CCDC149: variants seen among roughly 807,000 people sequenced by gnomAD.
CCDC149 encodes the protein coiled-coil domain-containing protein 149.
In CCDC149, 45 loss-of-function variants were observed where a neutral mutation model predicts 59.9. That is an observed-to-expected ratio of 0.75 (90% confidence interval 0.59 to 0.96). The LOEUF (loss-of-function observed/expected upper bound fraction) is 0.96, where lower values mean the gene tolerates loss of function less well. Ranked by LOEUF, CCDC149 falls within the 40% of genes least tolerant of loss-of-function variation. The pLI, the probability that CCDC149 is intolerant of heterozygous loss-of-function variation, is 0.00. For missense variants in CCDC149, 584 were observed against 664.7 expected (o/e 0.88, Z 1.33); for synonymous variants, 245 against 260.6 (o/e 0.94, Z 0.58).
In CCDC149 at chr4:24,808,703, G is replaced by A. The variant is rs757068818; in HGVS notation, c.1309C>T (p.Gln437Ter). 1 of 1,552,320 alleles carries A rather than the reference G, an allele frequency of 6.4e-7. No individual in the cohort carries two copies. The highest frequency in any genetic ancestry group is 8.7e-7 in the Non-Finnish European group (1 of 1,147,134). The change falls in exon 13 of 13, where the codon CAA (glutamine) becomes TAA (stop). Residue 437 changes from glutamine to a stop codon, truncating the protein, a stop_gained. Transcript: ENST00000635206. LOFTEE classifies it low-confidence loss of function (END_TRUNC). ...AATGAAGGATGAAAGAGCTTGCATTGGTTCCCGCGGCTCTGATTTGCTGGG... is the reference window on the plus strand; with the variant it reads ...AATGAAGGATGAAAGAGCTTGCATTAGTTCCCGCGGCTCTGATTTGCTGGG...
chr4:24,858,631 G>GA (rs1231831387), intron 3 of CCDC149, among the ~76,000 whole-genome samples: 6 of 152,174 alleles, frequency 3.9e-5, no homozygotes, highest in African/African-American at 2.4e-5. Context: ...TTTCCATTCT[G>GA]AAACACCTTC....
At chr4:24,962,182 T>C (rs1326247851) in intron 1 of CCDC149, among the ~76,000 whole-genome samples, 1 of 152,126 alleles carries the variant, frequency 6.6e-6, no homozygotes, top group South Asian at 2.1e-4. Context: ...AAAGAAGACA[T>C]CCATGCAGCC....
intron 3 of CCDC149, among the ~76,000 whole-genome samples, chr4:24,859,669 T>C (rs800481): frequency 0.9 from 136,367 of 152,178 alleles, 61,252 homozygotes; most frequent in African/African-American, 0.95. Context: ...TGCTGTTTGC[T>C]GATGATATGA....
At chr4:24,834,601 G>A (rs908288899) in intron 8 of CCDC149, among the ~76,000 whole-genome samples, 2 of 152,152 alleles carry the variant, frequency 1.3e-5, no homozygotes, top group African/African-American at 4.8e-5. Context: ...CACAGTCTAG[G>A]GGAATATGCC....
intron 1 of CCDC149, among the ~76,000 whole-genome samples, chr4:24,970,744 G>A (rs995609523): frequency 6.6e-6 from 1 of 152,096 alleles, no homozygotes; most frequent in South Asian, 2.1e-4. Context: ...CCTGGGGGTG[G>A]CCTCATGTAC....
At chr4:24,884,149 C>G (rs1384642819) in intron 1 of CCDC149, among the ~76,000 whole-genome samples, 1 of 152,172 alleles carries the variant, frequency 6.6e-6, no homozygotes, top group Non-Finnish European at 1.5e-5. Context: ...TAAGAGGCCA[C>G]CTATAGATTG....
intron 3 of CCDC149, among the ~76,000 whole-genome samples, chr4:24,865,158 A>C (rs565320668): frequency 4.8e-4 from 73 of 152,354 alleles, no homozygotes; most frequent in African/African-American, 1.6e-3. Flanking sequence ...GCAGACAGAC[A>C]TGCAAGCCCT....
intron 1 of CCDC149, among the ~76,000 whole-genome samples, chr4:24,902,048 T>C (rs901653487): frequency 6.6e-6 from 1 of 152,212 alleles, no homozygotes; most frequent in Non-Finnish European, 1.5e-5. Flanking sequence ...TGGTCCCTAC[T>C]CTCAAAGATT....
chr4:24,905,339 T>C (rs1298623691), intron 1 of CCDC149, among the ~76,000 whole-genome samples: 1 of 152,090 alleles, frequency 6.6e-6, no homozygotes, highest in Non-Finnish European at 1.5e-5. Context: ...CTTTGATATG[T>C]CAACCTACTC....
At chr4:24,963,980 A>G (rs997520013) in intron 1 of CCDC149, among the ~76,000 whole-genome samples, 13 of 152,204 alleles carry the variant, frequency 8.5e-5, no homozygotes, top group Non-Finnish European at 1.3e-4. Flanking sequence ...GGATGGCTTG[A>G]GCCTAGGAGT....
intron 1 of CCDC149, among the ~76,000 whole-genome samples, chr4:24,907,458 C>T (rs1721600609): frequency 6.6e-6 from 1 of 152,200 alleles, no homozygotes; most frequent in Non-Finnish European, 1.5e-5. Context: ...AATCAGATCA[C>T]TACCTGCCTG....
chr4:24,809,769 T>G (rs1318562531), intron 12 of CCDC149, among the ~76,000 whole-genome samples: 1 of 152,202 alleles, frequency 6.6e-6, no homozygotes, highest in Non-Finnish European at 1.5e-5. Context: ...CAGGAACACT[T>G]TCTGGTACCC....
chr4:24,891,837 A>AT (rs545183883), intron 1 of CCDC149, among the ~76,000 whole-genome samples: 11 of 151,234 alleles, frequency 7.3e-5, no homozygotes, highest in South Asian at 2.1e-4. Flanking sequence ...CTTCTCTACA[A>AT]TTTTTTTTTA....
chr4:24,835,002 C>T lies in CCDC149; in HGVS notation c.766G>A (p.Gly256Ser). The T allele has an allele frequency of 6.2e-7, 1 of 1,613,974 alleles. No individual in the cohort carries two copies. The highest frequency in any genetic ancestry group is 1.7e-5 in the Admixed American group (1 of 60,020). Residue 256 changes from glycine to serine, a missense_variant, in exon 8 of 13, where the codon GGC (glycine) becomes AGC (serine). Transcript: ENST00000635206. ...GCACTGCTGCTGGATTTACCCTGGCCCTTCGAGTTTTTCCGTCTCTCCAGA... is the reference window on the plus strand; with the variant it reads ...GCACTGCTGCTGGATTTACCCTGGCTCTTCGAGTTTTTCCGTCTCTCCAGA...
At chr4:24,877,730 T>C (rs1225955351) in intron 1 of CCDC149, among the ~76,000 whole-genome samples, 1 of 152,160 alleles carries the variant, frequency 6.6e-6, no homozygotes. Context: ...CCCAAACAAG[T>C]TGAGTACACC....
At chr4:24,901,020 G>A (rs535002771) in intron 1 of CCDC149, among the ~76,000 whole-genome samples, 1 of 152,314 alleles carries the variant, frequency 6.6e-6, no homozygotes, top group Non-Finnish European at 1.5e-5. Flanking sequence ...CCGAGTAAGA[G>A]GACATCATGA....
chr4:24,882,977 G>A (rs780766831), intron 1 of CCDC149, among the ~76,000 whole-genome samples: 9 of 152,172 alleles, frequency 5.9e-5, no homozygotes, highest in Non-Finnish European at 8.8e-5. Context: ...ATTAAATGCA[G>A]TAAATCTTCA....
rs773009161 is a variant in CCDC149 at position 24,831,547 on chromosome 4, G to A, written c.924C>T (p.His308=). The A allele has an allele frequency of 1.1e-4, 179 of 1,613,830 alleles. No individual in the cohort carries two copies. The highest frequency in any genetic ancestry group is 3.3e-4 in the Middle Eastern group (2 of 6,084). The change falls in exon 9 of 13, where the codon CAC becomes CAT. Residue 308 remains histidine, a synonymous_variant. Coordinates refer to ENST00000635206, the MANE Select transcript of CCDC149 (RefSeq NM_001330643.2). ...GGTGCTGAATGACCATGTTTTTCTCGTGGATTGTTTCCAACAGGGCTGTTG... is the reference window on the plus strand; with the variant it reads ...GGTGCTGAATGACCATGTTTTTCTCATGGATTGTTTCCAACAGGGCTGTTG...
intron 1 of CCDC149, among the ~76,000 whole-genome samples, chr4:24,966,888 T>A (rs929576273): frequency 2.0e-5 from 3 of 152,144 alleles, no homozygotes; most frequent in Non-Finnish European, 4.4e-5. Context: ...AGGCCACATG[T>A]GGAATTAGCA....
Sources: allele counts gnomAD v4.1 joint callset (sites outside exome capture counted in the v4.1 genomes callset), GRCh38; gene constraint gnomAD v4.1.1; transcripts MANE v1.5; gene names NCBI Gene and HGNC (gene_info 2026-07-23, HGNC 2026-07-21).